The following SLC25A16 variants were observed in gnomAD, a reference collection of about 807,000 sequenced individuals.
SLC25A16 encodes the protein solute carrier family 25 member 16, also known as mitochondrial coenzyme A transporter SLC25A16.
SLC25A16 carries 39 observed loss-of-function variants against 41.5 expected under a neutral mutation model. The ratio of observed to expected loss-of-function variants is 0.94; its 90% CI spans 0.73 to 1.23. The LOEUF (loss-of-function observed/expected upper bound fraction) is 1.23. Ranked by LOEUF, SLC25A16 falls within the 50% of genes most tolerant of loss-of-function variation. SLC25A16 has a pLI of 0.00. For missense variants in SLC25A16, 421 were observed against 426.9 expected (o/e 0.99, Z 0.12); for synonymous variants, 146 against 147.8 (o/e 0.99, Z 0.09).
chr10:68,509,060 G>A (rs191485169), intron 2 of SLC25A16, among the ~76,000 whole-genome samples: 4 of 152,114 alleles, frequency 2.6e-5, no homozygotes, highest in African/African-American at 7.2e-5. Context: ...ATTAAGGGCC[G>A]GGCGCGGTGG....
At chr10:68,486,226 C>CA (rs1333581796) in intron 8 of SLC25A16, among the ~76,000 whole-genome samples, 11 of 54,764 alleles carry the variant, frequency 2.0e-4, no homozygotes, top group Admixed American at 4.5e-4. Flanking sequence ...CTCAAAAAAA[C>CA]AAAACAAAAA....
chr10:68,505,643 A>G (rs1474078136), intron 3 of SLC25A16, among the ~76,000 whole-genome samples: 1 of 152,072 alleles, frequency 6.6e-6, no homozygotes, highest in Admixed American at 6.6e-5. Context: ...ATGGTGGTGC[A>G]TGCCTGTAAG....
chr10:68,501,679 T>G (rs2052848010), intron 4 of SLC25A16, among the ~76,000 whole-genome samples: 1 of 151,752 alleles, frequency 6.6e-6, no homozygotes, highest in South Asian at 2.1e-4. Context: ...CCCAGCACTT[T>G]GGAGGCTGAG....
intron 1 of SLC25A16, among the ~76,000 whole-genome samples, chr10:68,522,883 G>C (rs2053271999): frequency 6.6e-6 from 1 of 150,648 alleles, no homozygotes; most frequent in Non-Finnish European, 1.5e-5. Flanking sequence ...AGCTACTCTG[G>C]AAGCTGAGAC....
chr10:68,527,097 A>G lies in SLC25A16; in HGVS notation c.130+149T>C. The G allele has an allele frequency of 3.9e-6, 3 of 773,410 alleles. 1 individual carries two copies. In the South Asian group the frequency reaches 5.9e-5, roughly 15 times the overall value. 47.9% of individuals were successfully genotyped at this position (773,410 alleles called of 1,614,324 possible). ...GTCATTAGTCAAGTGATTACTAGAA[A>G]GAGGTTACAGCAGGTCAGGGCAGAC... On this transcript the variant is annotated intron_variant, in intron 1 of 8. Coordinates refer to ENST00000609923, the MANE Select transcript of SLC25A16 (RefSeq NM_152707.4).
intron 2 of SLC25A16, among the ~76,000 whole-genome samples, chr10:68,509,063 C>T (rs1182631669): frequency 5.3e-5 from 8 of 152,012 alleles, no homozygotes; most frequent in African/African-American, 1.7e-4. Context: ...AAGGGCCGGG[C>T]GCGGTGGTTC....
intron 2 of SLC25A16, among the ~76,000 whole-genome samples, chr10:68,513,914 T>C (rs989582016): frequency 6.6e-6 from 1 of 152,086 alleles, no homozygotes; most frequent in Non-Finnish European, 1.5e-5. Flanking sequence ...AATAATGTTT[T>C]GGCCGGGAGC....
rs966446221 is a variant in SLC25A16, at chr10:68,487,032, G to A, written c.842+112C>T. The A allele has an allele frequency of 1.6e-5, 11 of 693,224 alleles. 1 individual carries two copies. The highest frequency in any genetic ancestry group is 8.7e-5 in the South Asian group (5 of 57,426). The allele number at this position is 693,224 out of a possible 1,614,324, so 42.9% of individuals were successfully genotyped here. A position where few individuals can be genotyped will look rare whatever the true frequency, so the allele number is the denominator to read the frequency against. ...TTATAAAGTTACCAAAATAAACTTC[G>A]GGAGATAAAACGGAAGATACAGACT... is the stretch of plus-strand genomic sequence containing the variant. On this transcript the variant is annotated intron_variant, in intron 8 of 8. Coordinates refer to ENST00000609923, the MANE Select transcript of SLC25A16 (RefSeq NM_152707.4).
chr10:68,505,902 G>T (rs1194402918), intron 3 of SLC25A16, among the ~76,000 whole-genome samples: 1 of 151,980 alleles, frequency 6.6e-6, no homozygotes, highest in East Asian at 1.9e-4. Context: ...GTGTGGTGGC[G>T]GGCGCCTGTA....
At chr10:68,512,203 G>C (rs1590119428) in intron 2 of SLC25A16, among the ~76,000 whole-genome samples, 1 of 151,828 alleles carries the variant, frequency 6.6e-6, no homozygotes, top group African/African-American at 2.4e-5. Flanking sequence ...AGGTGGGTCA[G>C]ACAGCTTGAG....
chr10:68,485,590 G>T (rs1048064701), intron 8 of SLC25A16, among the ~76,000 whole-genome samples: 2 of 151,410 alleles, frequency 1.3e-5, no homozygotes, highest in Admixed American at 6.6e-5. Context: ...TCACCATCTT[G>T]GCCAGGTTGG....
intron 8 of SLC25A16, 175 bp downstream of exon 8, chr10:68,486,956 CAAAAAAAAAAAAA>C (rs374368406): frequency 4.3e-4 from 44 of 103,130 alleles, no homozygotes; most frequent in Admixed American, 1.8e-3. Context: ...GACTGCATCT[CAAAAAAAAAAAAA>C]AAAAAAAAAA....
intron 2 of SLC25A16, among the ~76,000 whole-genome samples, chr10:68,516,443 A>G (rs2053162723): frequency 6.6e-6 from 1 of 152,166 alleles, no homozygotes; most frequent in African/African-American, 2.4e-5. Context: ...ACAAGCTATG[A>G]CCTAATGCTT....
chr10:68,495,440 A>C (rs2052734181), intron 4 of SLC25A16, among the ~76,000 whole-genome samples: 1 of 151,952 alleles, frequency 6.6e-6, no homozygotes, highest in Non-Finnish European at 1.5e-5. Flanking sequence ...TAAACTATTA[A>C]CTTTTGACTT....
In SLC25A16 at chr10:68,488,395, T is replaced by C. The variant is rs2052600063; in HGVS notation, c.773+72A>G. ...TGAATAATCTATTAGAAAAAATAAA[T>C]GATTAAACAATGCTGAAAATCAGGA... On this transcript the variant is annotated intron_variant, in intron 7 of 8. Coordinates refer to ENST00000609923, the MANE Select transcript of SLC25A16 (RefSeq NM_152707.4). The C allele has an allele frequency of 1.2e-5, 13 of 1,103,020 alleles. No individual in the cohort carries two copies. The South Asian group carries it at 2.2e-4, about 19-fold the overall frequency. 68.3% of individuals were successfully genotyped at this position (1,103,020 alleles called of 1,614,324 possible). A position where few individuals can be genotyped will look rare whatever the true frequency, so the allele number is the denominator to read the frequency against.
intron 1 of SLC25A16, among the ~76,000 whole-genome samples, chr10:68,520,370 A>G (rs2053230113): frequency 6.6e-6 from 1 of 152,174 alleles, no homozygotes; most frequent in Non-Finnish European, 1.5e-5. Context: ...AATATTAGAT[A>G]GACAATCTGT....
intron 2 of SLC25A16, among the ~76,000 whole-genome samples, chr10:68,513,480 T>C (rs1170104080): frequency 6.6e-6 from 1 of 151,448 alleles, no homozygotes; most frequent in Non-Finnish European, 1.5e-5. Flanking sequence ...ATAATTAATA[T>C]ACCGCATAAA....
chr10:68,497,757 C>T (rs1590104005), intron 4 of SLC25A16, among the ~76,000 whole-genome samples: 1 of 151,898 alleles, frequency 6.6e-6, no homozygotes, highest in East Asian at 1.9e-4. Flanking sequence ...GTTGGGATTA[C>T]AGGTGTGCGT....
intron 4 of SLC25A16, chr10:68,496,730 G>A: frequency 1.1e-6 from 1 of 910,792 alleles, no homozygotes; most frequent in South Asian, 5.1e-5. Context: ...ATTTTAACCA[G>A]CAATTACATT....
Sources: allele counts gnomAD v4.1 joint callset (sites outside exome capture counted in the v4.1 genomes callset), GRCh38; gene constraint gnomAD v4.1.1; transcripts MANE v1.5; gene names NCBI Gene and HGNC (gene_info 2026-07-23, HGNC 2026-07-21).